Variants in UNC13C observed in about 807,000 individuals in gnomAD.
The protein encoded by UNC13C is protein unc-13 homolog C.
UNC13C carries 174 observed loss-of-function variants against 245.4 expected under a neutral mutation model. The observed-to-expected ratio is 0.71, with a 90% CI of 0.63 to 0.80. UNC13C has a LOEUF of 0.80. Among genes scored for constraint, UNC13C ranks in the 30% least tolerant of loss-of-function variants. UNC13C has a pLI of 0.00. For missense variants in UNC13C, 2,829 were observed against 2,602.9 expected, an observed-to-expected ratio of 1.09 and a Z score of -1.89; for synonymous variants, 992 against 895.1, an observed-to-expected ratio of 1.11 and a Z score of -1.93.
rs771255788 is a variant in UNC13C at position 54,555,467 on chromosome 15, G to T, written c.5913G>T (p.Thr1971=). 3 of 1,612,228 alleles carry T rather than the reference G, an allele frequency of 1.9e-6. No homozygotes were observed. Among genetic ancestry groups the T allele is most frequent in the Non-Finnish European group, 2.5e-6 (3 of 1,179,002 alleles). The change falls in exon 29 of 33, where the codon ACG becomes ACT. Residue 1971 remains threonine (T), a synonymous_variant. Coordinates refer to ENST00000260323, the MANE Select transcript of UNC13C (RefSeq NM_001080534.3). The stretch of plus-strand genomic sequence containing the variant: ...TTCGAGAGGATGCCAGGGGTCTGAC[G>T]CCAAGACAATGCGCTATAATGGAGG... ...HMIREDARGL[T]PRQCAIMEVV...
intron 22 of UNC13C, among the ~76,000 whole-genome samples, chr15:54,505,187 A>G (rs1384525492): frequency 6.6e-6 from 1 of 152,132 alleles, no homozygotes; most frequent in Non-Finnish European, 1.5e-5. Context: ...TGTCTGCACT[A>G]TACTCTCTTC....
chr15:54,104,491 G>A (rs1367218705), intron 2 of UNC13C, among the ~76,000 whole-genome samples: 1 of 151,792 alleles, frequency 6.6e-6, no homozygotes, highest in African/African-American at 2.4e-5. Context: ...ATTCTTATCT[G>A]TTTTATTTTC....
At chr15:54,184,612 G>A (rs182989908) in intron 4 of UNC13C, among the ~76,000 whole-genome samples, 2,666 of 152,152 alleles carry the variant, frequency 0.018, 88 homozygotes, top group African/African-American at 0.061. Flanking sequence ...ATTTTTTATG[G>A]CTGCATAGTA....
At chr15:54,253,431 A>C (rs9806492) in intron 8 of UNC13C, among the ~76,000 whole-genome samples, 39,394 of 152,006 alleles carry the variant, frequency 0.26, 6,017 homozygotes, top group African/African-American at 0.42. Context: ...AAACTCATAG[A>C]CACAGGGTGG....
intron 32 of UNC13C, among the ~76,000 whole-genome samples, chr15:54,626,432 T>G (rs1490576355): frequency 6.8e-6 from 1 of 146,298 alleles, no homozygotes; most frequent in Admixed American, 6.9e-5. Context: ...GTGCGAGGAG[T>G]AGTAACTGAT....
At chr15:54,389,277 A>G (rs1200335798) in intron 17 of UNC13C, among the ~76,000 whole-genome samples, 1 of 152,228 alleles carries the variant, frequency 6.6e-6, no homozygotes, top group Non-Finnish European at 1.5e-5. Context: ...TACCTCTTAG[A>G]GAAGTGGTTC....
intron 19 of UNC13C, among the ~76,000 whole-genome samples, chr15:54,416,472 C>T (rs937043031): frequency 3.3e-5 from 5 of 152,066 alleles, no homozygotes; most frequent in African/African-American, 1.2e-4. Context: ...CTCAGAGGTA[C>T]AATTCCTTAC....
chr15:54,214,482 G>A (rs72730861), intron 4 of UNC13C, among the ~76,000 whole-genome samples: 24,163 of 151,732 alleles, frequency 0.16, 2,333 homozygotes, highest in Middle Eastern at 0.26. Context: ...AAGAGGGGTG[G>A]GCTGTGAAAG....
At chr15:53,968,112 A>G in the UNC13C span, 18 of 152,260 alleles carry the variant, frequency 1.2e-4, no homozygotes, top group African/African-American at 4.1e-4. Context: ...AGACTTGAGG[A>G]CTGGAGTCTG....
At chr15:54,604,289 C>T (rs1899629127) in intron 30 of UNC13C, among the ~76,000 whole-genome samples, 1 of 152,274 alleles carries the variant, frequency 6.6e-6, no homozygotes, top group East Asian at 1.9e-4. Flanking sequence ...CATAGATGAA[C>T]TAAAATATGT....
intron 30 of UNC13C, among the ~76,000 whole-genome samples, chr15:54,614,959 T>C (rs1395322678): frequency 6.6e-6 from 1 of 152,058 alleles, no homozygotes; most frequent in Non-Finnish European, 1.5e-5. Flanking sequence ...GTTCTGAAGA[T>C]AGTATCTTTT....
rs77918712 is a variant in UNC13C, at chr15:54,196,906, G to A, written c.3072-38124G>A. 8.5e-5 allele frequency among the ~76,000 whole-genome samples: 13 copies of A among 152,158 alleles called. No individual in the cohort carries two copies. The East Asian group carries it at 2.5e-3, about 29-fold the overall frequency. On this transcript the variant is annotated intron_variant, in intron 4 of 32. Transcript: ENST00000260323. ...CTGAAATATTTACTTTAATTCCAGG[G>A]ATGAGAAAATGTATCTATTATATCA... is the stretch of plus-strand genomic sequence containing the variant.
At chr15:54,620,819 G>A (rs1008845209) in intron 30 of UNC13C, among the ~76,000 whole-genome samples, 12 of 151,502 alleles carry the variant, frequency 7.9e-5, no homozygotes, top group African/African-American at 2.7e-4. Flanking sequence ...CCCAAAAGCA[G>A]GCTATAATCA....
chr15:54,626,793 T>G, intron 32 of UNC13C, 35 bp from the exon 33 acceptor site: 1 of 1,578,506 alleles, frequency 6.3e-7, no homozygotes. Flanking sequence ...GGAAGTAAAG[T>G]TTTTGCTCAA....
chr15:54,136,719 C>A (rs1006255429), intron 2 of UNC13C, among the ~76,000 whole-genome samples: 2 of 151,982 alleles, frequency 1.3e-5, no homozygotes, highest in Non-Finnish European at 2.9e-5. Flanking sequence ...AGGTGCATTC[C>A]CTCGATATCT....
chr15:54,414,423 A>C (rs72734716), intron 18 of UNC13C, among the ~76,000 whole-genome samples: 7,600 of 152,106 alleles, frequency 0.05, 236 homozygotes, highest in African/African-American at 0.084. Flanking sequence ...AAGGTGGTTG[A>C]ATCACCTGAG....
chr15:53,844,110 A>C, the UNC13C span, among the ~76,000 whole-genome samples: 3 of 152,210 alleles, frequency 2.0e-5, no homozygotes. Context: ...GAGCATACGT[A>C]AATGTGTTTC....
chr15:54,169,949 A>G (rs564070173), intron 4 of UNC13C, among the ~76,000 whole-genome samples: 19 of 150,024 alleles, frequency 1.3e-4, no homozygotes, highest in African/African-American at 2.4e-4. Context: ...CTCCTCTCCC[A>G]CAAGGTTGTA....
At chr15:54,183,397 T>C (rs1242456118) in intron 4 of UNC13C, among the ~76,000 whole-genome samples, 3 of 151,318 alleles carry the variant, frequency 2.0e-5, no homozygotes, top group Non-Finnish European at 4.4e-5. Context: ...ACTATGCTAT[T>C]ACTTATCTAA....
Sources: allele counts gnomAD v4.1 joint callset (sites outside exome capture counted in the v4.1 genomes callset), GRCh38; gene constraint gnomAD v4.1.1; transcripts MANE v1.5; gene names NCBI Gene and HGNC (gene_info 2026-07-23, HGNC 2026-07-21).